Variants in LNX2 observed in about 807,000 individuals in gnomAD.
LNX2 encodes ligand of Numb protein X 2.
In LNX2, 35 loss-of-function variants were observed where a neutral mutation model predicts 66.2. The observed-to-expected ratio is 0.53, with a 90% CI of 0.40 to 0.70. The LOEUF (loss-of-function observed/expected upper bound fraction) is 0.70, where lower values mean the gene tolerates loss of function less well. Among genes scored for constraint, LNX2 ranks in the 30% least tolerant of loss-of-function variants. The pLI is 0.00. For missense variants in LNX2, 791 were observed against 850.8 expected (o/e 0.93, Z 0.87); for synonymous variants, 337 against 315.6 (o/e 1.07, Z -0.72).
In LNX2 at chr13:27,583,249, TGTGTGTGCGCGC is replaced by T. The variant is rs1566124852; in HGVS notation, c.-100-1458_-100-1447del. On this transcript the variant is annotated intron_variant, in intron 1 of 9. Coordinates refer to ENST00000316334, the MANE Select transcript of LNX2 (RefSeq NM_153371.4). ...GTGTGTGTGTGTGTGTGTGTGTGTG[TGTGTGTGCGCGC>T]GTCCTCTCCAACATACTTATTTTTA... 2.6e-4 allele frequency among the ~76,000 whole-genome samples: 12 copies of T among 46,764 alleles called. 3 individuals are homozygous for T. The highest frequency in any genetic ancestry group is 7.1e-4 in the African/African-American group (5 of 7,038). The allele number at this position is 46,764 out of a possible 152,430, so 30.7% of individuals were successfully genotyped here. A position where few individuals can be genotyped will look rare whatever the true frequency, so the allele number is the denominator to read the frequency against.
Position 27,567,656 on chromosome 13 carries a change from C to G in LNX2, c.839G>C (p.Gly280Ala). Reference protein sequence around the residue: ...VIARDGRLLAGDQILQVNNYN... With the variant: ...VIARDGRLLAADQILQVNNYN... ...AACTGATACCTGAAGAATCTGGTCT[C>G]CAGCAAGAAGTCTCCCGTCTCTGGC... Residue 280 changes from glycine to alanine, a missense_variant, in exon 4 of 10, where the codon GGA becomes GCA. Physicochemically the swap from Gly to Ala is moderately conservative, Grantham distance 60 (BLOSUM62 0). Coordinates refer to ENST00000316334, the MANE Select transcript of LNX2 (RefSeq NM_153371.4). The G allele has an allele frequency of 6.2e-7, 1 of 1,613,924 alleles. No individual in the cohort carries two copies. The highest frequency in any genetic ancestry group is 8.5e-7 in the Non-Finnish European group (1 of 1,179,838).
intron 1 of LNX2, among the ~76,000 whole-genome samples, chr13:27,584,794 G>A (rs1227300627): frequency 6.6e-6 from 1 of 152,350 alleles, no homozygotes; most frequent in Non-Finnish European, 1.5e-5. Flanking sequence ...GTTGGCCTCA[G>A]ATAAATTGTG....
intron 1 of LNX2, among the ~76,000 whole-genome samples, chr13:27,607,818 A>G (rs1429270788): frequency 6.6e-6 from 1 of 152,234 alleles, no homozygotes; most frequent in East Asian, 1.9e-4. Context: ...ACACCATTTG[A>G]TTCCTTTGGG....
At chr13:27,565,803 T>C (rs1215049828) in intron 4 of LNX2, among the ~76,000 whole-genome samples, 2 of 152,130 alleles carry the variant, frequency 1.3e-5, no homozygotes, top group Non-Finnish European at 2.9e-5. Context: ...TCAGGAATAA[T>C]ACACCATGAA....
chr13:27,590,532 T>C (rs1020365707), intron 1 of LNX2, among the ~76,000 whole-genome samples: 1 of 145,148 alleles, frequency 6.9e-6, no homozygotes, highest in Non-Finnish European at 1.5e-5. Context: ...CCCAGCCCGG[T>C]TTTTTTTTTT....
chr13:27,596,016 T>C (rs1403610113), intron 1 of LNX2, among the ~76,000 whole-genome samples: 1 of 152,190 alleles, frequency 6.6e-6, no homozygotes, highest in Non-Finnish European at 1.5e-5. Context: ...GTGCAGGGTA[T>C]TAAACACACG....
chr13:27,550,220 C>A, intron 9 of LNX2, 113 bp downstream of exon 9: 1 of 937,868 alleles, frequency 1.1e-6, no homozygotes. Context: ...TGCAATGAAA[C>A]TTTATTTTCA....
chr13:27,606,073 G>A (rs1285253803), intron 1 of LNX2, among the ~76,000 whole-genome samples: 2 of 152,094 alleles, frequency 1.3e-5, no homozygotes, highest in Admixed American at 6.5e-5. Context: ...ACTGTAAAGG[G>A]ACAATCTGCA....
At chr13:27,594,081 C>T (rs1171134449) in intron 1 of LNX2, among the ~76,000 whole-genome samples, 5 of 152,136 alleles carry the variant, frequency 3.3e-5, no homozygotes, top group Admixed American at 2.6e-4. Context: ...TGGACTCCTA[C>T]TAGCAATGTA....
chr13:27,602,736 A>G (rs990246376), intron 1 of LNX2, among the ~76,000 whole-genome samples: 2 of 152,176 alleles, frequency 1.3e-5, no homozygotes, highest in Admixed American at 1.3e-4. Context: ...GCTTAGTTTT[A>G]TAAGTAACCA....
intron 6 of LNX2, among the ~76,000 whole-genome samples, chr13:27,559,450 T>C (rs936486647): frequency 3.9e-5 from 6 of 152,228 alleles, no homozygotes; most frequent in African/African-American, 1.4e-4. Context: ...TTATTAAGCA[T>C]AGATTTGTCA....
chr13:27,583,253 T>TGCGCGC (rs1566124862), intron 1 of LNX2, among the ~76,000 whole-genome samples: 4 of 46,910 alleles, frequency 8.5e-5, no homozygotes, highest in Admixed American at 2.0e-4. Context: ...TGTGTGTGTG[T>TGCGCGC]GTGCGCGCGT....
chr13:27,601,135 C>T (rs188018081), intron 1 of LNX2, among the ~76,000 whole-genome samples: 1 of 152,152 alleles, frequency 6.6e-6, no homozygotes, highest in Non-Finnish European at 1.5e-5. Context: ...TTCATTTAAT[C>T]TTTCCAACAA....
In LNX2 at chr13:27,548,440, C is replaced by A. The variant is rs201313418; in HGVS notation, c.1968G>T (p.Gly656=). ...KCGDMIVAVN[G]LSTVGMSHSA... ...AGTGGCTCATGCCCACGGTTGACAG[C>A]CCATTTACGGCCACAATCATGTCAC... The change falls in exon 10 of 10, where the codon GGG becomes GGT. Residue 656 remains glycine (G), a synonymous_variant. Coordinates refer to ENST00000316334, the MANE Select transcript of LNX2 (RefSeq NM_153371.4). 59 of 1,614,016 alleles carry A rather than the reference C, an allele frequency of 3.7e-5. No homozygotes were observed. In the African/African-American group the frequency reaches 7.5e-4, roughly 20 times the overall value.
intron 1 of LNX2, among the ~76,000 whole-genome samples, chr13:27,585,977 AAAGAAT>A (rs1356389098): frequency 1.5e-5 from 2 of 135,194 alleles, no homozygotes; most frequent in African/African-American, 2.8e-5. Flanking sequence ...GGGTCAATAT[AAAGAAT>A]AAGTGTATAT....
intron 2 of LNX2, 56 bp downstream of exon 2, chr13:27,581,241 A>AT: frequency 1.4e-6 from 2 of 1,400,912 alleles, no homozygotes; most frequent in Non-Finnish European, 1.9e-6. Context: ...TTTTATGTTC[A>AT]TTTGAACCAC....
chr13:27,555,613 A>T (rs1232146055), intron 7 of LNX2, among the ~76,000 whole-genome samples: 1 of 152,180 alleles, frequency 6.6e-6, no homozygotes, highest in Non-Finnish European at 1.5e-5. Flanking sequence ...TTCAGCTCTT[A>T]TATTTAGATC....
At chr13:27,580,928 G>T (rs1396261814) in intron 2 of LNX2, among the ~76,000 whole-genome samples, 1 of 151,844 alleles carries the variant, frequency 6.6e-6, no homozygotes, top group Non-Finnish European at 1.5e-5. Context: ...TATTTCCTTA[G>T]GATAATAAAC....
At chr13:27,558,201 T>C (rs1955086579) in intron 6 of LNX2, among the ~76,000 whole-genome samples, 1 of 152,058 alleles carries the variant, frequency 6.6e-6, no homozygotes, top group Non-Finnish European at 1.5e-5. Context: ...TGTATGTGTT[T>C]TCCCTAGGAG....
Sources: gnomAD v4.1 joint callset for allele counts (sites outside exome capture counted in the v4.1 genomes callset) on GRCh38, gnomAD v4.1.1 for gene constraint, MANE v1.5 for transcripts, NCBI Gene and HGNC (gene_info 2026-07-23, HGNC 2026-07-21) for gene names.